CDNF: variants seen among roughly 807,000 people sequenced by gnomAD.
CDNF encodes cerebral dopamine neurotrophic factor.
A neutral mutation model predicts 14.8 loss-of-function variants in CDNF; 9 were observed. The observed-to-expected ratio is 0.61, with a 90% CI of 0.37 to 1.06. The LOEUF (loss-of-function observed/expected upper bound fraction) is 1.06. Ranked by LOEUF, CDNF falls within the 50% of genes least tolerant of loss-of-function variation. CDNF has a pLI of 0.01. For synonymous variants in CDNF, 86 were observed against 87.2 expected, an observed-to-expected ratio of 0.99 and a Z score of 0.07; for missense variants, 228 against 228.4, an observed-to-expected ratio of 1.00 and a Z score of 0.01.
At position 14,831,574 on chromosome 10, in the gene CDNF, A is replaced by G. The variant is rs1057088492; in HGVS notation, c.116-3302T>C. ...TACACACACACACACACACATATAT[A>G]TATATATATTTTTTTTCAAGATGGA... On this transcript the variant is annotated intron_variant, in intron 1 of 3. Coordinates refer to ENST00000465530, the MANE Select transcript of CDNF (RefSeq NM_001029954.3). Among the ~76,000 whole-genome samples, 6 of 150,626 alleles carry G rather than the reference A, an allele frequency of 4.0e-5. No homozygotes were observed. In the East Asian group the frequency reaches 1.2e-3, roughly 29 times the overall value.
chr10:14,828,055 G>C, intron 2 of CDNF, 90 bp downstream of exon 2: 1 of 1,328,620 alleles, frequency 7.5e-7, no homozygotes, highest in East Asian at 2.3e-5. Flanking sequence ...AGGCAAACAT[G>C]TAAGTAGGAG....
In CDNF at chr10:14,825,586, G is replaced by T; in HGVS notation, c.278C>A (p.Thr93Lys). 6.2e-7 allele frequency: 1 copy of T among 1,614,068 alleles called. No homozygotes were observed. Reference protein sequence around the residue: ...YYLGATKDAATKILSEVTRPM... With the variant: ...YYLGATKDAAKKILSEVTRPM... ...GCGAGTGACTTCACTTAGGATCTTT[G>T]TGGCTGCGTCTTTTGTGGCTCCTAG... The change falls in exon 3 of 4, where the codon ACA becomes AAA. Residue 93 changes from threonine (T) to lysine (K), a missense_variant. Physicochemically the swap from Thr to Lys is moderately conservative, Grantham distance 78. Transcript: ENST00000465530.
intron 1 of CDNF, 67 bp from the exon 2 acceptor site, chr10:14,828,339 C>T: frequency 6.7e-7 from 1 of 1,496,898 alleles, no homozygotes; most frequent in Non-Finnish European, 9.2e-7. Context: ...GCATATGACC[C>T]ACTAACCACA....
intron 1 of CDNF, among the ~76,000 whole-genome samples, chr10:14,834,773 AGGAAACTG>A (rs1456686164): frequency 6.6e-6 from 1 of 152,184 alleles, no homozygotes; most frequent in Non-Finnish European, 1.5e-5. Flanking sequence ...CGGCACCTGG[AGGAAACTG>A]GGAAACTGCT....
intron 3 of CDNF, among the ~76,000 whole-genome samples, chr10:14,824,849 C>T (rs746718365): frequency 1.3e-5 from 2 of 152,132 alleles, no homozygotes; most frequent in Non-Finnish European, 2.9e-5. Flanking sequence ...TTACCAAGAT[C>T]CAAATCACCA....
chr10:14,835,501 A>G (rs1245049369), intron 1 of CDNF, among the ~76,000 whole-genome samples: 1 of 152,246 alleles, frequency 6.6e-6, no homozygotes, highest in Non-Finnish European at 1.5e-5. Context: ...CATTTTCTGG[A>G]CTTACATGAA....
At chr10:14,825,765 G>A (rs761177885) in intron 2 of CDNF, 145 bp from the exon 3 acceptor site, 101 of 794,648 alleles carry the variant, frequency 1.3e-4, no homozygotes, top group Non-Finnish European at 1.9e-4. Flanking sequence ...TTGGGAGGTT[G>A]AGGAGGGCAG....
chr10:14,832,896 G>A (rs1833855797), intron 1 of CDNF, among the ~76,000 whole-genome samples: 1 of 123,276 alleles, frequency 8.1e-6, no homozygotes, highest in Non-Finnish European at 1.6e-5. Context: ...ATCTCGCTGT[G>A]TTGCCCAGGC....
chr10:14,837,949 T>C lies in CDNF; in HGVS notation c.-3A>G. ...GCAACTGGGCTCGCGCACCACATGCTGGGCCAGCAGCTTCAATCGCCTCCG... is the reference window on the plus strand; with the variant it reads ...GCAACTGGGCTCGCGCACCACATGCCGGGCCAGCAGCTTCAATCGCCTCCG... On this transcript the variant is annotated 5_prime_UTR_variant, in exon 1 of 4. Coordinates refer to ENST00000465530, the MANE Select transcript of CDNF (RefSeq NM_001029954.3). 1.3e-6 allele frequency: 2 copies of C among 1,585,856 alleles called. No individual in the cohort carries two copies. The highest frequency in any genetic ancestry group is 1.1e-5 in the South Asian group (1 of 87,734).
intron 1 of CDNF, among the ~76,000 whole-genome samples, chr10:14,832,785 G>A (rs567954178): frequency 1.0e-3 from 155 of 150,288 alleles, no homozygotes; most frequent in African/African-American, 3.3e-3. Flanking sequence ...GCCATCTGCT[G>A]AAATGAGGAA....
rs1833718248 is a variant in CDNF at position 14,819,514 on chromosome 10, A to T, written c.*466T>A. ...CTGATACCAAAGAGAGCTACAATAT[A>T]GAGTGAAAACAGAAAATTCACTTGA... On this transcript the variant is annotated 3_prime_UTR_variant, in exon 4 of 4. Transcript: ENST00000465530. The T allele has an allele frequency of 6.5e-6, 1 of 152,956 alleles. No homozygotes were observed. Among genetic ancestry groups the T allele is most frequent in the African/African-American group, 2.4e-5 (1 of 41,456 alleles). The allele number at this position is 152,956 out of a possible 1,614,324, so 9.5% of individuals were successfully genotyped here.
rs888560979 is a variant in CDNF, at chr10:14,822,323, GA to G, written c.386-2166del. Among the ~76,000 whole-genome samples the G allele has an allele frequency of 1.3e-3, 190 of 151,998 alleles. 1 individual carries two copies. The highest frequency in any genetic ancestry group is 4.5e-3 in the African/African-American group (185 of 41,488). ...CTACTTCTCAATTGCTGAAAAGATT[GA>G]AAAAAAGCCCAAAATACAAAAAATA... On this transcript the variant is annotated intron_variant, in intron 3 of 3. Coordinates refer to ENST00000465530, the MANE Select transcript of CDNF (RefSeq NM_001029954.3).
At chr10:14,830,291 C>A (rs1425266555) in intron 1 of CDNF, among the ~76,000 whole-genome samples, 1 of 152,044 alleles carries the variant, frequency 6.6e-6, no homozygotes, top group Non-Finnish European at 1.5e-5. Context: ...CCTTATAGTC[C>A]CCTATGGGTA....
At chr10:14,825,730 G>A in intron 2 of CDNF, 110 bp from the exon 3 acceptor site, 7 of 1,180,662 alleles carry the variant, frequency 5.9e-6, no homozygotes, top group Non-Finnish European at 8.5e-6. Context: ...TGGACATGGT[G>A]GCTCACGCCT....
intron 3 of CDNF, among the ~76,000 whole-genome samples, chr10:14,820,536 G>A (rs1306844281): frequency 6.6e-6 from 1 of 151,998 alleles, no homozygotes; most frequent in Non-Finnish European, 1.5e-5. Flanking sequence ...AGACCAGCCT[G>A]GCCAACATGG....
At chr10:14,828,392 T>TA (rs1661108614) in intron 1 of CDNF, 120 bp from the exon 2 acceptor site, 1 of 886,140 alleles carries the variant, frequency 1.1e-6, no homozygotes, top group African/African-American at 1.7e-5. Context: ...CTTACCCCTG[T>TA]AATCCTAGCA....
chr10:14,830,718 T>C (rs11813748), intron 1 of CDNF, among the ~76,000 whole-genome samples: 2,183 of 152,170 alleles, frequency 0.014, 61 homozygotes, highest in African/African-American at 0.049. Flanking sequence ...TGGTGGCAGG[T>C]GCCTGTAATC....
chr10:14,825,412 T>A (rs932208250), intron 3 of CDNF, 67 bp downstream of exon 3: 1 of 1,478,288 alleles, frequency 6.8e-7, no homozygotes, highest in Non-Finnish European at 9.2e-7. Flanking sequence ...TTAGAAGACA[T>A]GGCCCCAACT....
chr10:14,837,974 G>T lies in CDNF; in HGVS notation c.-28C>A. On this transcript the variant is annotated 5_prime_UTR_variant, in exon 1 of 4. Coordinates refer to ENST00000465530, the MANE Select transcript of CDNF (RefSeq NM_001029954.3). ...TGGGCCAGCAGCTTCAATCGCCTCC[G>T]CCACCCGCGCCCACCGCCCACCAAG... The T allele has an allele frequency of 6.6e-7, 1 of 1,517,558 alleles. No individual in the cohort carries two copies. The highest frequency in any genetic ancestry group is 1.2e-5 in the South Asian group (1 of 84,700). The allele number at this position is 1,517,558 out of a possible 1,614,324, so 94.0% of individuals were successfully genotyped here.
Sources: allele counts gnomAD v4.1 joint callset (sites outside exome capture counted in the v4.1 genomes callset), GRCh38; gene constraint gnomAD v4.1.1; transcripts MANE v1.5; gene names NCBI Gene and HGNC (gene_info 2026-07-23, HGNC 2026-07-21).